OTULINL: variants seen among roughly 807,000 people sequenced by gnomAD.
OTULINL encodes the protein inactive ubiquitin thioesterase OTULINL.
In OTULINL, 42 loss-of-function variants were observed where a neutral mutation model predicts 43.9. The observed-to-expected ratio is 0.96, with a 90% CI of 0.75 to 1.24. The LOEUF (loss-of-function observed/expected upper bound fraction) is 1.24, where lower values mean the gene tolerates loss of function less well. OTULINL is among the 50% of genes most tolerant of loss of function. The probability of loss-of-function intolerance (pLI) is 0.00; values close to 1 mark genes in which losing one functional copy is unlikely to be tolerated. For missense variants in OTULINL, 411 were observed against 426.4 expected (o/e 0.96, Z 0.32); for synonymous variants, 172 against 153.6 (o/e 1.12, Z -0.88).
At chr5:14,595,066 A>G (rs185119139) in intron 1 of OTULINL, among the ~76,000 whole-genome samples, 76 of 152,268 alleles carry the variant, frequency 5.0e-4, no homozygotes, top group African/African-American at 1.8e-3. Flanking sequence ...ATTTCACTGT[A>G]TGTATATTTC....
chr5:14,598,258 C>A (rs1033598119), intron 1 of OTULINL, among the ~76,000 whole-genome samples: 5 of 152,200 alleles, frequency 3.3e-5, no homozygotes, highest in Admixed American at 6.5e-5. Context: ...CAAGTGAGCA[C>A]CACCCTGTGG....
intron 1 of OTULINL, among the ~76,000 whole-genome samples, chr5:14,596,636 C>CCT (rs1160967): frequency 0.069 from 10,481 of 152,228 alleles, 529 homozygotes; most frequent in East Asian, 0.21. Flanking sequence ...AGAAGCAGGA[C>CCT]AGCCAAGTGG....
Position 14,608,804 on chromosome 5 carries a change from C to A in OTULINL, c.684C>A (p.Thr228=), listed in dbSNP as rs777763123. The A allele has an allele frequency of 3.7e-6, 6 of 1,613,368 alleles. No homozygotes were observed. In the Middle Eastern group the frequency reaches 4.9e-4, roughly 133 times the overall value. The change falls in exon 7 of 8, where the codon ACC becomes ACA. Residue 228 remains threonine (T), a synonymous_variant. Coordinates refer to ENST00000274217, the MANE Select transcript of OTULINL (RefSeq NM_019018.3). ...DYHKRGSMCN[T]LFSDAILEYK... ...ACAAGAGAGGAAGTATGTGCAACAC[C>A]CTTTTTTCAGATGCCATTCTGGAAT...
rs548080207 is a variant in OTULINL, at chr5:14,613,254, A to G, written c.*2940A>G. Among the ~76,000 whole-genome samples, 4 of 152,278 alleles carry G rather than the reference A, an allele frequency of 2.6e-5. No homozygotes were observed. The East Asian group carries it at 5.8e-4, about 22-fold the overall frequency. ...TTTTTAAGTGACAGTGACATTAAGC[A>G]TATTCACATTGTTGTGCAACCCTCA... is the stretch of plus-strand genomic sequence containing the variant. On this transcript the variant is annotated 3_prime_UTR_variant, in exon 8 of 8. Coordinates refer to ENST00000274217, the MANE Select transcript of OTULINL (RefSeq NM_019018.3).
intron 1 of OTULINL, among the ~76,000 whole-genome samples, chr5:14,586,068 C>G (rs544999612): frequency 2.1e-4 from 32 of 152,290 alleles, no homozygotes; most frequent in African/African-American, 7.5e-4. Flanking sequence ...CTATTAAAGT[C>G]TCTACTTAAT....
Position 14,610,467 on chromosome 5 carries a change from A to G in OTULINL, c.*153A>G. On this transcript the variant is annotated 3_prime_UTR_variant, in exon 8 of 8. Transcript: ENST00000274217. ...GTACACTGGATGCAGCCATGCATGG[A>G]TGGTTTTTCTTTATTTTTCAGTGAT... 1.4e-6 allele frequency: 1 copy of G among 730,138 alleles called. No homozygotes were observed. The highest frequency in any genetic ancestry group is 2.2e-6 in the Non-Finnish European group (1 of 461,728). The allele number at this position is 730,138 out of a possible 1,614,324, so 45.2% of individuals were successfully genotyped here.
rs1402746920 is a variant in OTULINL, at chr5:14,602,344, C to T, written c.498+12C>T. The T allele has an allele frequency of 6.2e-7, 1 of 1,608,334 alleles. No homozygotes were observed. The highest frequency in any genetic ancestry group is 8.5e-7 in the Non-Finnish European group (1 of 1,177,858). On this transcript the variant is annotated intron_variant, in intron 5 of 7. Transcript: ENST00000274217. ...AGGACATTGTTAAGGTATGTCTTCC[C>T]CCTGGAAATGTGGGAAATGTCATGT... is the stretch of plus-strand genomic sequence containing the variant.
chr5:14,586,959 G>A (rs1333010289), intron 1 of OTULINL, among the ~76,000 whole-genome samples: 2 of 152,140 alleles, frequency 1.3e-5, no homozygotes, highest in South Asian at 2.1e-4. Flanking sequence ...GCTTGGGACA[G>A]CCTCGGTGGG....
At chr5:14,594,957 C>T (rs1209789024) in intron 1 of OTULINL, among the ~76,000 whole-genome samples, 3 of 152,112 alleles carry the variant, frequency 2.0e-5, no homozygotes, top group Admixed American at 6.5e-5. Flanking sequence ...TCTCTTCCAT[C>T]GTCTGCTAAC....
chr5:14,586,813 CAA>C (rs1759107856), intron 1 of OTULINL, among the ~76,000 whole-genome samples: 1 of 151,776 alleles, frequency 6.6e-6, no homozygotes, highest in Non-Finnish European at 1.5e-5. Flanking sequence ...AAGTCATTCT[CAA>C]GAGAGTCTTC....
intron 5 of OTULINL, among the ~76,000 whole-genome samples, chr5:14,604,964 G>A (rs765862809): frequency 6.6e-5 from 10 of 152,270 alleles, no homozygotes; most frequent in South Asian, 2.1e-4. Flanking sequence ...TCTGGGGAAC[G>A]GTGGCCCTCT....
Position 14,615,239 on chromosome 5 carries a change from G to A in OTULINL, c.*4925G>A, listed in dbSNP as rs1166249976. On this transcript the variant is annotated 3_prime_UTR_variant, in exon 8 of 8. Transcript: ENST00000274217. ...CTTACTGGGCCAAACACAAATGGCT[G>A]AGACACTCCTGGCCCATTTCTTGTC... Among the ~76,000 whole-genome samples the A allele has an allele frequency of 6.6e-6, 1 of 152,194 alleles. No homozygotes were observed. Among genetic ancestry groups the A allele is most frequent in the African/African-American group, 2.4e-5 (1 of 41,458 alleles).
chr5:14,605,119 G>A (rs187288429), intron 5 of OTULINL, among the ~76,000 whole-genome samples: 1 of 152,342 alleles, frequency 6.6e-6, no homozygotes, highest in East Asian at 1.9e-4. Context: ...TGGACATCAA[G>A]GCATTTCTGT....
chr5:14,581,947 C>T lies in OTULINL; in HGVS notation c.53C>T (p.Ala18Val), dbSNP rs1383464976. Residue 18 changes from alanine to valine, a missense_variant, in exon 1 of 8, where the codon GCT (alanine) becomes GTT (valine). Ala to Val is a moderately conservative substitution (Grantham distance 64). Transcript: ENST00000274217. ...TRARERERSG[A>V]PAAGSDQVHS... ...GCAAGGGAGCGGGAGCGGTCTGGCG[C>T]TCCCGCCGCAGGTGAGCCTGGGGCC... 4.4e-5 allele frequency: 60 copies of T among 1,367,504 alleles called. No homozygotes were observed. Among genetic ancestry groups the T allele is most frequent in the Non-Finnish European group, 5.5e-5 (58 of 1,061,414 alleles). 84.7% of individuals were successfully genotyped at this position (1,367,504 alleles called of 1,614,324 possible). A position where few individuals can be genotyped will look rare whatever the true frequency, so the allele number is the denominator to read the frequency against.
intron 1 of OTULINL, among the ~76,000 whole-genome samples, chr5:14,582,939 G>C (rs1759041068): frequency 6.6e-6 from 1 of 151,754 alleles, no homozygotes; most frequent in South Asian, 2.1e-4. Flanking sequence ...CTCCTAACCA[G>C]CCCCGAGAAA....
intron 5 of OTULINL, among the ~76,000 whole-genome samples, chr5:14,603,582 G>A (rs1441133579): frequency 2.0e-5 from 3 of 151,738 alleles, no homozygotes; most frequent in Non-Finnish European, 4.4e-5. Flanking sequence ...GAGTAATGAT[G>A]TTGAGCATTT....
intron 1 of OTULINL, among the ~76,000 whole-genome samples, chr5:14,594,689 T>C (rs750861139): frequency 6.6e-6 from 1 of 152,210 alleles, no homozygotes; most frequent in Non-Finnish European, 1.5e-5. Flanking sequence ...GCCTGTTCCA[T>C]TGGCTTCAGT....
intron 1 of OTULINL, among the ~76,000 whole-genome samples, chr5:14,598,885 C>A (rs1759337860): frequency 6.6e-6 from 1 of 152,056 alleles, no homozygotes; most frequent in African/African-American, 2.4e-5. Flanking sequence ...ACATTTGTAC[C>A]TACAGTAAAA....
intron 1 of OTULINL, 78 bp downstream of exon 1, chr5:14,582,036 G>C: frequency 9.4e-7 from 1 of 1,065,408 alleles, no homozygotes; most frequent in Non-Finnish European, 1.2e-6. Flanking sequence ...CAGGCAGCCA[G>C]GGACGCGCCC....
Sources: allele counts gnomAD v4.1 joint callset (sites outside exome capture counted in the v4.1 genomes callset), GRCh38; gene constraint gnomAD v4.1.1; transcripts MANE v1.5; gene names NCBI Gene and HGNC (gene_info 2026-07-23, HGNC 2026-07-21).